Variants in IL1RAP observed in about 807,000 individuals in gnomAD.
The protein encoded by IL1RAP is interleukin 1 receptor accessory protein.
In IL1RAP, 35 loss-of-function variants were observed where a neutral mutation model predicts 60.7. The observed-to-expected ratio is 0.58, with a 90% CI of 0.44 to 0.76. IL1RAP has a LOEUF of 0.76. Ranked by LOEUF, IL1RAP falls within the 30% of genes least tolerant of loss-of-function variation. IL1RAP has a pLI of 0.00. For missense variants in IL1RAP, 572 were observed against 693.9 expected, an observed-to-expected ratio of 0.82 and a Z score of 1.97; for synonymous variants, 268 against 250.9, an observed-to-expected ratio of 1.07 and a Z score of -0.64.
chr3:190,640,251 C>T (rs1733559146), intron 9 of IL1RAP, among the ~76,000 whole-genome samples: 2 of 152,156 alleles, frequency 1.3e-5, no homozygotes, highest in Non-Finnish European at 2.9e-5. Context: ...TAGCATTTAC[C>T]TCTTTTTTGT....
At chr3:190,541,273 A>T (rs1351351506) in intron 1 of IL1RAP, among the ~76,000 whole-genome samples, 2 of 152,134 alleles carry the variant, frequency 1.3e-5, no homozygotes, top group Non-Finnish European at 2.9e-5. Flanking sequence ...AAGCTGACAA[A>T]AGGCCTTGCT....
rs1200775636 is a variant in IL1RAP at position 190,572,859 on chromosome 3, G to GTTTTTTTTTTTT, written c.64+8517_64+8528dup. Among the ~76,000 whole-genome samples the GTTTTTTTTTTTT allele has an allele frequency of 4.4e-3, 173 of 39,042 alleles. 34 individuals carry two copies. The highest frequency in any genetic ancestry group is 9.9e-3 in the East Asian group (15 of 1,518). The allele number at this position is 39,042 out of a possible 152,430, so 25.6% of individuals were successfully genotyped here. A position where few individuals can be genotyped will look rare whatever the true frequency, so the allele number is the denominator to read the frequency against. ...TCAGCATGTCCAGGGTTAATGCTTT[G>GTTTTTTTTTTTT]TTTTTTTTTTTTTTTTTTTTTTGAG... On this transcript the variant is annotated intron_variant, in intron 3 of 11. Transcript: ENST00000447382.
At chr3:190,633,022 C>T (rs966167067) in intron 9 of IL1RAP, among the ~76,000 whole-genome samples, 1 of 152,162 alleles carries the variant, frequency 6.6e-6, no homozygotes, top group Non-Finnish European at 1.5e-5. Flanking sequence ...AAATCACATA[C>T]TATATGTCTT....
intron 3 of IL1RAP, among the ~76,000 whole-genome samples, chr3:190,597,235 A>G (rs1028689228): frequency 1.2e-4 from 19 of 152,202 alleles, no homozygotes; most frequent in Admixed American, 1.1e-3. Flanking sequence ...CTTGTATTCA[A>G]ATTTTAGTAT....
At chr3:190,629,687 T>G (rs1032660836) in intron 9 of IL1RAP, 189 bp downstream of exon 9, 2 of 1,320,100 alleles carry the variant, frequency 1.5e-6, no homozygotes, top group African/African-American at 3.0e-5. Flanking sequence ...AAAATATTGT[T>G]TCTGATATTG....
intron 1 of IL1RAP, among the ~76,000 whole-genome samples, chr3:190,541,945 A>G (rs1004657059): frequency 2.0e-5 from 3 of 152,154 alleles, no homozygotes; most frequent in African/African-American, 7.2e-5. Context: ...TGAGAAAAAC[A>G]ACTTTAAAAC....
At chr3:190,631,466 T>TA (rs530612071) in intron 9 of IL1RAP, among the ~76,000 whole-genome samples, 86 of 152,320 alleles carry the variant, frequency 5.6e-4, no homozygotes, top group South Asian at 1.7e-3. Flanking sequence ...AAAGCTGATA[T>TA]AAAATCACTG....
intron 3 of IL1RAP, among the ~76,000 whole-genome samples, chr3:190,566,701 C>CT (rs1726436887): frequency 6.6e-6 from 1 of 152,148 alleles, no homozygotes; most frequent in Non-Finnish European, 1.5e-5. Context: ...TGTATTGTGT[C>CT]TGACAGTGAT....
At chr3:190,636,045 T>A (rs966366173) in intron 9 of IL1RAP, among the ~76,000 whole-genome samples, 1 of 152,242 alleles carries the variant, frequency 6.6e-6, no homozygotes, top group African/African-American at 2.4e-5. Flanking sequence ...TAATCTTTTA[T>A]TTAATTCTGA....
At chr3:190,632,758 A>T (rs1430205591) in intron 9 of IL1RAP, among the ~76,000 whole-genome samples, 1 of 152,054 alleles carries the variant, frequency 6.6e-6, no homozygotes, top group Admixed American at 6.6e-5. Context: ...CCTATGATCC[A>T]TTTTTTTAAT....
At chr3:190,628,030 G>A (rs1361221544) in intron 8 of IL1RAP, among the ~76,000 whole-genome samples, 7 of 151,618 alleles carry the variant, frequency 4.6e-5, no homozygotes, top group South Asian at 2.1e-4. Flanking sequence ...AACTAAATAC[G>A]TTTGTGTAAT....
intron 4 of IL1RAP, among the ~76,000 whole-genome samples, chr3:190,607,723 A>G (rs999026888): frequency 6.6e-6 from 1 of 152,162 alleles, no homozygotes; most frequent in Admixed American, 6.5e-5. Flanking sequence ...AGGAATTGTT[A>G]TGTGTTTGTT....
At chr3:190,599,584 A>G (rs1729676886) in intron 3 of IL1RAP, among the ~76,000 whole-genome samples, 1 of 149,192 alleles carries the variant, frequency 6.7e-6, no homozygotes, top group Non-Finnish European at 1.5e-5. Context: ...GTGTGAGTCT[A>G]TTTCTATCCA....
chr3:190,653,767 C>A (rs1734505803), downstream of IL1RAP, among the ~76,000 whole-genome samples: 1 of 152,122 alleles, frequency 6.6e-6, no homozygotes, highest in Non-Finnish European at 1.5e-5. Flanking sequence ...AATAAATGAG[C>A]TAAATTACTA....
At chr3:190,608,380 A>G (rs1474437052) in intron 4 of IL1RAP, among the ~76,000 whole-genome samples, 2 of 152,182 alleles carry the variant, frequency 1.3e-5, no homozygotes, top group Non-Finnish European at 2.9e-5. Flanking sequence ...GAAAAGACAC[A>G]GTTAACATAC....
chr3:190,644,132 C>T, intron 9 of IL1RAP, 116 bp from the exon 10 acceptor site: 1 of 1,449,248 alleles, frequency 6.9e-7, no homozygotes, highest in Non-Finnish European at 9.1e-7. Flanking sequence ...TCTGATTGTT[C>T]ATACATAGGC....
chr3:190,522,506 C>G (rs1722173385), intron 1 of IL1RAP, among the ~76,000 whole-genome samples: 1 of 151,554 alleles, frequency 6.6e-6, no homozygotes, highest in African/African-American at 2.4e-5. Flanking sequence ...ATATATTAAG[C>G]CTCTAGCTTT....
At chr3:190,589,659 G>A (rs3773963) in intron 3 of IL1RAP, among the ~76,000 whole-genome samples, 25,706 of 152,094 alleles carry the variant, frequency 0.17, 2,766 homozygotes, top group East Asian at 0.44. Context: ...TTGTAATTTT[G>A]CGTGGAATAT....
At chr3:190,569,359 T>C (rs924567219) in intron 3 of IL1RAP, among the ~76,000 whole-genome samples, 29 of 152,382 alleles carry the variant, frequency 1.9e-4, no homozygotes, top group Admixed American at 5.9e-4. Context: ...ATATCCTTGC[T>C]TTAATAACTC....
Sources: gnomAD v4.1 joint callset for allele counts (sites outside exome capture counted in the v4.1 genomes callset) on GRCh38, gnomAD v4.1.1 for gene constraint, MANE v1.5 for transcripts, NCBI Gene and HGNC (gene_info 2026-07-23, HGNC 2026-07-21) for gene names.